Variants in EPHA3 observed in about 807,000 individuals in gnomAD.
EPHA3 encodes the protein EPH receptor A3.
Under a neutral mutation model 107.1 loss-of-function variants are expected in EPHA3, and 42 were observed. The ratio of observed to expected loss-of-function variants is 0.39; its 90% CI spans 0.31 to 0.51. The LOEUF (loss-of-function observed/expected upper bound fraction) is 0.51, where lower values mean the gene tolerates loss of function less well. Ranked by LOEUF, EPHA3 falls within the 20% of genes least tolerant of loss-of-function variation. The pLI, the probability that EPHA3 is intolerant of heterozygous loss-of-function variation, is 0.78. For missense variants in EPHA3, 1,183 were observed against 1,211.2 expected (o/e 0.98, Z 0.35); for synonymous variants, 461 against 424.8 (o/e 1.09, Z -1.05).
intron 1 of EPHA3, 55 bp downstream of exon 1, chr3:89,107,891 A>G (rs2106933160): frequency 6.5e-7 from 1 of 1,547,274 alleles, no homozygotes; most frequent in South Asian, 1.1e-5. Flanking sequence ...CACGCTCTTC[A>G]AAGCACGTTC....
chr3:89,269,187 C>T, intron 3 of EPHA3, among the ~76,000 whole-genome samples: 1 of 151,980 alleles, frequency 6.6e-6, no homozygotes, highest in East Asian at 1.9e-4. Flanking sequence ...CTATTGAAAC[C>T]TCAAAACAAC....
At chr3:89,281,834 G>A (rs779496054) in intron 3 of EPHA3, among the ~76,000 whole-genome samples, 20 of 152,074 alleles carry the variant, frequency 1.3e-4, no homozygotes, top group East Asian at 1.9e-4. Context: ...CATCTCTCTC[G>A]ATTTTATGCG....
At chr3:89,204,638 A>G (rs1158942791) in intron 2 of EPHA3, among the ~76,000 whole-genome samples, 2 of 65,578 alleles carry the variant, frequency 3.0e-5, no homozygotes, top group Non-Finnish European at 7.2e-5. Context: ...GTGTGTGTGT[A>G]CTTTTGAGAC....
At chr3:89,409,868 C>A (rs1360899939) in intron 9 of EPHA3, among the ~76,000 whole-genome samples, 8 of 152,046 alleles carry the variant, frequency 5.3e-5, no homozygotes, top group Non-Finnish European at 1.5e-5. Flanking sequence ...GGCCTTTTTA[C>A]TTCTTTGCTA....
intron 2 of EPHA3, among the ~76,000 whole-genome samples, chr3:89,205,125 A>C (rs150957602): frequency 6.6e-6 from 1 of 152,156 alleles, no homozygotes; most frequent in African/African-American, 2.4e-5. Flanking sequence ...ATATTTTCCA[A>C]ATTATATTAG....
chr3:89,342,946 T>G (rs1017594018), intron 5 of EPHA3, among the ~76,000 whole-genome samples: 1 of 151,618 alleles, frequency 6.6e-6, no homozygotes, highest in African/African-American at 2.4e-5. Flanking sequence ...GCCACTCTGA[T>G]TCTCCAGAGA....
intron 7 of EPHA3, chr3:89,400,208 T>C (rs1401105620): frequency 3.0e-6 from 1 of 333,664 alleles, no homozygotes; most frequent in Non-Finnish European, 4.2e-6. Context: ...TTTTTTTTTT[T>C]TTTGAGACGG....
At chr3:89,133,190 G>C (rs560061895) in intron 2 of EPHA3, among the ~76,000 whole-genome samples, 10 of 152,188 alleles carry the variant, frequency 6.6e-5, no homozygotes, top group African/African-American at 2.4e-4. Context: ...TTTAGGAGAA[G>C]GAAAGTTGAC....
chr3:89,302,176 G>A (rs1706507604), intron 3 of EPHA3, among the ~76,000 whole-genome samples: 1 of 151,984 alleles, frequency 6.6e-6, no homozygotes, highest in Non-Finnish European at 1.5e-5. Flanking sequence ...TTCAAAAAAA[G>A]TTGTCATCTG....
intron 3 of EPHA3, among the ~76,000 whole-genome samples, chr3:89,252,819 C>A (rs1705194870): frequency 6.7e-6 from 1 of 150,292 alleles, no homozygotes; most frequent in South Asian, 2.1e-4. Flanking sequence ...GTTTATTGTT[C>A]ATTAAGATTT....
At chr3:89,116,198 AC>A (rs1322261673) in intron 1 of EPHA3, among the ~76,000 whole-genome samples, 1 of 152,112 alleles carries the variant, frequency 6.6e-6, no homozygotes, top group Non-Finnish European at 1.5e-5. Flanking sequence ...TCCTTTCATC[AC>A]CCTGGAAAGA....
At position 89,404,521 on chromosome 3, in the gene EPHA3, G is replaced by A. The variant is rs551440226; in HGVS notation, c.1595-2748G>A. The stretch of plus-strand genomic sequence containing the variant: ...AGTAAAATGGAAATGAATAGAAACA[G>A]AGGGAGCAGAAAACAAATTCAAGTT... On this transcript the variant is annotated intron_variant, in intron 7 of 16. Transcript: ENST00000336596. 1.8e-3 allele frequency among the ~76,000 whole-genome samples: 278 copies of A among 152,230 alleles called. 2 individuals are homozygous for A. Among genetic ancestry groups the A allele is most frequent in the African/African-American group, 6.1e-3 (253 of 41,544 alleles).
At chr3:89,133,492 A>G (rs1001614003) in intron 2 of EPHA3, among the ~76,000 whole-genome samples, 6 of 152,156 alleles carry the variant, frequency 3.9e-5, no homozygotes, top group African/African-American at 2.4e-5. Flanking sequence ...GATTCGACGA[A>G]CTCTTGGAAA....
intron 2 of EPHA3, among the ~76,000 whole-genome samples, chr3:89,163,425 C>T (rs1316516293): frequency 1.3e-5 from 2 of 151,540 alleles, no homozygotes; most frequent in Non-Finnish European, 2.9e-5. Context: ...TTTCCCAGAA[C>T]ATCTCATTTA....
chr3:89,286,251 G>A (rs891721256), intron 3 of EPHA3, among the ~76,000 whole-genome samples: 13 of 151,360 alleles, frequency 8.6e-5, no homozygotes, highest in Non-Finnish European at 1.3e-4. Context: ...GGAGAGAGGA[G>A]TAGAGCGTGG....
intron 11 of EPHA3, among the ~76,000 whole-genome samples, chr3:89,422,456 A>G (rs940230791): frequency 2.0e-5 from 3 of 151,474 alleles, no homozygotes; most frequent in African/African-American, 7.3e-5. Flanking sequence ...ATAATCAATG[A>G]TCTGAGTTCA....
At chr3:89,207,380 C>T (rs1416292697) in intron 2 of EPHA3, among the ~76,000 whole-genome samples, 1 of 152,138 alleles carries the variant, frequency 6.6e-6, no homozygotes, top group East Asian at 1.9e-4. Context: ...CTGTTGTGTA[C>T]TATGCTCACA....
At position 89,107,897 on chromosome 3, in the gene EPHA3, C is replaced by T. The variant is rs78293063; in HGVS notation, c.88+61C>T. The stretch of plus-strand genomic sequence containing the variant: ...CGCGGGGCTCACGCTCTTCAAAGCA[C>T]GTTCTCACCGAAGCCTTGCACGTCG... On this transcript the variant is annotated intron_variant, in intron 1 of 16. Transcript: ENST00000336596. The T allele has an allele frequency of 8.1e-3, 12,344 of 1,517,238 alleles. 69 individuals are homozygous for T. The highest frequency in any genetic ancestry group is 1.0e-2 in the Non-Finnish European group (10,909 of 1,094,464). The allele number at this position is 1,517,238 out of a possible 1,614,324, so 94.0% of individuals were successfully genotyped here. A position where few individuals can be genotyped will look rare whatever the true frequency, so the allele number is the denominator to read the frequency against.
At chr3:89,159,951 T>C (rs1371564737) in intron 2 of EPHA3, among the ~76,000 whole-genome samples, 1 of 152,032 alleles carries the variant, frequency 6.6e-6, no homozygotes, top group Non-Finnish European at 1.5e-5. Context: ...CTTCCTTCTT[T>C]TCCTTCTTCC....
Sources: allele counts gnomAD v4.1 joint callset (sites outside exome capture counted in the v4.1 genomes callset), GRCh38; gene constraint gnomAD v4.1.1; transcripts MANE v1.5; gene names NCBI Gene and HGNC (gene_info 2026-07-23, HGNC 2026-07-21).